Variants in ME3 observed in about 807,000 individuals in gnomAD.
The protein encoded by ME3 is malic enzyme 3.
Under a neutral mutation model 68.9 loss-of-function variants are expected in ME3, and 48 were observed. The ratio of observed to expected loss-of-function variants is 0.70; its 90% CI spans 0.55 to 0.89. ME3 has a LOEUF of 0.89. ME3 is among the 40% of genes least tolerant of loss of function. The pLI, the probability that ME3 is intolerant of heterozygous loss-of-function variation, is 0.00. For synonymous variants in ME3, 320 were observed against 318.8 expected (o/e 1.00, Z -0.04); for missense variants, 675 against 797.4 (o/e 0.85, Z 1.85).
intron 2 of ME3, among the ~76,000 whole-genome samples, chr11:86,664,922 G>A (rs1946499460): frequency 6.6e-6 from 1 of 152,144 alleles, no homozygotes; most frequent in Admixed American, 6.5e-5. Flanking sequence ...ACTTCATTCT[G>A]TAGTGGGCCT....
intron 4 of ME3, among the ~76,000 whole-genome samples, chr11:86,540,927 A>C (rs1956005345): frequency 6.6e-6 from 1 of 152,156 alleles, no homozygotes; most frequent in Non-Finnish European, 1.5e-5. Flanking sequence ...CTGCATTTCC[A>C]ACTGAGGTAC....
At chr11:86,655,767 G>C (rs2135459996) in intron 2 of ME3, among the ~76,000 whole-genome samples, 1 of 151,658 alleles carries the variant, frequency 6.6e-6, no homozygotes, top group East Asian at 1.9e-4. Flanking sequence ...TTAAACTAAA[G>C]AGCTTCTGCA....
intron 7 of ME3, among the ~76,000 whole-genome samples, chr11:86,482,071 C>T (rs12280500): frequency 0.013 from 1,931 of 152,300 alleles, 44 homozygotes; most frequent in African/African-American, 0.044. Context: ...CCATAGGACA[C>T]AGTTCAGAAA....
chr11:86,543,678 A>G (rs1261272230), intron 4 of ME3, among the ~76,000 whole-genome samples: 1 of 152,192 alleles, frequency 6.6e-6, no homozygotes, highest in Non-Finnish European at 1.5e-5. Flanking sequence ...ACCTACAAAG[A>G]GACTTAGACT....
chr11:86,615,663 T>C (rs1341939759), intron 2 of ME3, among the ~76,000 whole-genome samples: 2 of 152,090 alleles, frequency 1.3e-5, no homozygotes, highest in African/African-American at 4.8e-5. Flanking sequence ...CATGGGGGTG[T>C]TGGTGGTGGT....
chr11:86,588,214 G>A (rs1362250017), intron 2 of ME3, among the ~76,000 whole-genome samples: 1 of 152,202 alleles, frequency 6.6e-6, no homozygotes, highest in Admixed American at 6.5e-5. Flanking sequence ...TTAATTGGCA[G>A]TATCATAGTG....
chr11:86,611,794 A>G (rs1469249537), intron 2 of ME3, among the ~76,000 whole-genome samples: 2 of 152,100 alleles, frequency 1.3e-5, no homozygotes, highest in African/African-American at 4.8e-5. Context: ...CAGTTTTCTC[A>G]TCTGTAAAAT....
At chr11:86,580,861 C>G (rs1390949338) in intron 2 of ME3, among the ~76,000 whole-genome samples, 1 of 152,150 alleles carries the variant, frequency 6.6e-6, no homozygotes, top group Non-Finnish European at 1.5e-5. Context: ...CCTTTGTCAG[C>G]CACATTAGAG....
At chr11:86,611,037 C>T (rs928450215) in intron 2 of ME3, among the ~76,000 whole-genome samples, 2 of 152,100 alleles carry the variant, frequency 1.3e-5, no homozygotes, top group Admixed American at 1.3e-4. Context: ...GTCTCAACCT[C>T]ATATATATGT....
intron 2 of ME3, among the ~76,000 whole-genome samples, chr11:86,624,185 G>A (rs1016405880): frequency 6.6e-6 from 1 of 152,192 alleles, no homozygotes; most frequent in Non-Finnish European, 1.5e-5. Flanking sequence ...AAAGAAGCTG[G>A]ACGATTCAGA....
intron 8 of ME3, among the ~76,000 whole-genome samples, chr11:86,460,587 T>C (rs774359825): frequency 6.6e-6 from 1 of 152,218 alleles, no homozygotes; most frequent in African/African-American, 2.4e-5. Context: ...GCCCCCTCCA[T>C]GTGTGGTTCC....
chr11:86,665,090 G>C (rs111905106), intron 2 of ME3, among the ~76,000 whole-genome samples: 2,996 of 152,302 alleles, frequency 0.02, 95 homozygotes, highest in African/African-American at 0.063. Context: ...GGGAGCCTTA[G>C]CAGATGTCTC....
intron 2 of ME3, among the ~76,000 whole-genome samples, chr11:86,616,082 G>A (rs1019768665): frequency 3.3e-5 from 5 of 152,074 alleles, no homozygotes; most frequent in African/African-American, 1.2e-4. Context: ...TAAACAAAAA[G>A]CAATGTTATA....
chr11:86,530,490 A>T (rs1439009074), intron 4 of ME3, among the ~76,000 whole-genome samples: 1 of 152,244 alleles, frequency 6.6e-6, no homozygotes, highest in East Asian at 1.9e-4. Context: ...CAGAATTGGA[A>T]AAAACTACTT....
At chr11:86,615,584 C>T (rs1175989605) in intron 2 of ME3, among the ~76,000 whole-genome samples, 2 of 152,210 alleles carry the variant, frequency 1.3e-5, no homozygotes, top group Non-Finnish European at 2.9e-5. Context: ...GAGTTCACCT[C>T]TGTCTGAGTC....
chr11:86,604,219 G>A (rs370645274), intron 2 of ME3, among the ~76,000 whole-genome samples: 1 of 152,066 alleles, frequency 6.6e-6, no homozygotes, highest in Non-Finnish European at 1.5e-5. Flanking sequence ...GAGAGAACAG[G>A]CTGTAAATGT....
intron 11 of ME3, among the ~76,000 whole-genome samples, chr11:86,447,492 C>A (rs753585203): frequency 6.6e-6 from 1 of 152,144 alleles, no homozygotes; most frequent in Non-Finnish European, 1.5e-5. Context: ...TGAGCTGCTC[C>A]TCAGGACACA....
intron 10 of ME3, among the ~76,000 whole-genome samples, chr11:86,448,935 A>G (rs189059820): frequency 1.9e-4 from 29 of 152,290 alleles, no homozygotes; most frequent in African/African-American, 7.0e-4. Flanking sequence ...GAGAAAAATG[A>G]TGTTGAAAGA....
chr11:86,598,512 C>G (rs1227768780), intron 2 of ME3, among the ~76,000 whole-genome samples: 1 of 152,242 alleles, frequency 6.6e-6, no homozygotes, highest in Non-Finnish European at 1.5e-5. Context: ...GACTCCACCT[C>G]TGGGGGCAGG....
Sources: allele counts gnomAD v4.1 joint callset (sites outside exome capture counted in the v4.1 genomes callset), GRCh38; gene constraint gnomAD v4.1.1; transcripts MANE v1.5; gene names NCBI Gene and HGNC (gene_info 2026-07-23, HGNC 2026-07-21).